PLXNA2: variants seen among roughly 807,000 people sequenced by gnomAD.
PLXNA2 encodes plexin A2, also known as plexin-A2.
A neutral mutation model predicts 193.5 loss-of-function variants in PLXNA2; 91 were observed. That is an observed-to-expected ratio of 0.47 (90% CI 0.40 to 0.56). PLXNA2 has a LOEUF of 0.56. Ranked by LOEUF, PLXNA2 falls within the 20% of genes least tolerant of loss-of-function variation. The pLI, the probability that PLXNA2 is intolerant of heterozygous loss-of-function variation, is 0.00. For synonymous variants in PLXNA2, 997 were observed against 1,027.3 expected, an observed-to-expected ratio of 0.97 and a Z score of 0.56; for missense variants, 1,995 against 2,503.2, an observed-to-expected ratio of 0.80 and a Z score of 4.33.
In PLXNA2 at chr1:208,098,798, T is replaced by A. The variant is rs755193312; in HGVS notation, c.1731+48A>T. 5 of 1,595,308 alleles carry A rather than the reference T, an allele frequency of 3.1e-6. No homozygotes were observed. In the East Asian group the frequency reaches 1.1e-4, roughly 36 times the overall value. Reference sequence around the variant, plus strand: ...CGTGAATGGAGCACACCCACACAGGTGCATGCACTGTATTCCCTCTCCCCA... The same window carrying A: ...CGTGAATGGAGCACACCCACACAGGAGCATGCACTGTATTCCCTCTCCCCA... On this transcript the variant is annotated intron_variant, in intron 6 of 31. Coordinates refer to ENST00000367033, the MANE Select transcript of PLXNA2 (RefSeq NM_025179.4).
rs771552400 is a variant in PLXNA2 at position 208,044,767 on chromosome 1, C to A, written c.3640-25G>T. The A allele has an allele frequency of 6.4e-7, 1 of 1,555,212 alleles. No homozygotes were observed. The highest frequency in any genetic ancestry group is 1.1e-5 in the South Asian group (1 of 88,338). ...CCTGTGCATTGTACACATACAGACG[C>A]ACATGGATGCACACAGGTGTAGAGC... On this transcript the variant is annotated intron_variant, in intron 19 of 31. Coordinates refer to ENST00000367033, the MANE Select transcript of PLXNA2 (RefSeq NM_025179.4). This position sits in a 1 kb window ranked among gnomAD's most constrained non-coding sequence, Gnocchi z 4.9.
In PLXNA2 at chr1:208,217,138, G is replaced by A. The variant is rs1321858272; in HGVS notation, c.785C>T (p.Thr262Ile). The change falls in exon 2 of 32, where the codon ACC becomes ATC. Residue 262 changes from threonine (T) to isoleucine (I), a missense_variant. Transcript: ENST00000367033. This position sits in a 1 kb window ranked among gnomAD's most constrained non-coding sequence, Gnocchi z 4.7. Reference protein sequence around the residue: ...FVYFLTVQPETPEGVAINSAG... With the variant: ...FVYFLTVQPEIPEGVAINSAG... ...GGAGTTGATGGCCACACCCTCAGGG[G>A]TCTCGGGCTGGACAGTGAGAAAGTA... 6.2e-7 allele frequency: 1 copy of A among 1,614,226 alleles called. No homozygotes were observed. Among genetic ancestry groups the A allele is most frequent in the Non-Finnish European group, 8.5e-7 (1 of 1,180,048 alleles).
At chr1:208,167,739 T>A (rs1427030592) in intron 3 of PLXNA2, among the ~76,000 whole-genome samples, 1 of 152,204 alleles carries the variant, frequency 6.6e-6, no homozygotes, top group Non-Finnish European at 1.5e-5. Flanking sequence ...ACGTGGTGCA[T>A]AATGACTATG....
intron 14 of PLXNA2, among the ~76,000 whole-genome samples, chr1:208,052,909 G>A (rs1665310780): frequency 6.6e-6 from 1 of 151,816 alleles, no homozygotes; most frequent in Non-Finnish European, 1.5e-5. Context: ...AATGGCCCAT[G>A]CACATGCCCT....
chr1:208,069,092 T>G (rs985821012), intron 12 of PLXNA2, among the ~76,000 whole-genome samples: 1 of 152,200 alleles, frequency 6.6e-6, no homozygotes, highest in Admixed American at 6.5e-5. Context: ...GTTTAAGTCC[T>G]GGCCATGCAC....
At chr1:208,204,518 C>T (rs1411999727) in intron 3 of PLXNA2, among the ~76,000 whole-genome samples, 6 of 152,222 alleles carry the variant, frequency 3.9e-5, no homozygotes, top group African/African-American at 7.2e-5. Flanking sequence ...CACTGCCACG[C>T]CAACCCTCCT....
chr1:208,199,633 G>A (rs1313457336), intron 3 of PLXNA2, among the ~76,000 whole-genome samples: 1 of 151,504 alleles, frequency 6.6e-6, no homozygotes, highest in Admixed American at 6.6e-5. Flanking sequence ...GGAGGTTGCA[G>A]TGAGCTGAGA....
At chr1:208,220,559 A>G (rs1433045825) in intron 1 of PLXNA2, among the ~76,000 whole-genome samples, 3 of 151,078 alleles carry the variant, frequency 2.0e-5, no homozygotes, top group Non-Finnish European at 4.4e-5. Context: ...CAGCCTCCAC[A>G]GTAGATGGGA....
At chr1:208,103,297 G>T in intron 4 of PLXNA2, 50 bp from the exon 5 acceptor site, 2 of 1,398,610 alleles carry the variant, frequency 1.4e-6, no homozygotes, top group South Asian at 1.2e-5. Flanking sequence ...GTGACGACTA[G>T]CAGGTGTGTG....
chr1:208,217,901 G>T lies in PLXNA2; in HGVS notation c.22C>A (p.Pro8Thr). ...CGGCTGTCCACCTCCAGGGCCCGGGGCCAGGGCCGCCTCTGTTCCATGCTG... is the reference window on the plus strand; with the variant it reads ...CGGCTGTCCACCTCCAGGGCCCGGGTCCAGGGCCGCCTCTGTTCCATGCTG... MEQRRPWPRALEVDSRSV... is the reference protein window; with the variant it reads MEQRRPWTRALEVDSRSV... The change falls in exon 2 of 32, where the codon CCC becomes ACC. Residue 8 changes from proline (P) to threonine (T), a missense_variant. Transcript: ENST00000367033. This position sits in a 1 kb window ranked among gnomAD's most constrained non-coding sequence, Gnocchi z 4.7. 6.2e-7 allele frequency: 1 copy of T among 1,610,758 alleles called. No homozygotes were observed.
chr1:208,136,248 T>TA (rs1281646356), intron 4 of PLXNA2, among the ~76,000 whole-genome samples: 1 of 152,240 alleles, frequency 6.6e-6, no homozygotes, highest in African/African-American at 2.4e-5. Flanking sequence ...ATTCCTGACT[T>TA]ACACAGTCTT....
intron 9 of PLXNA2, among the ~76,000 whole-genome samples, chr1:208,085,774 A>T (rs923780158): frequency 3.3e-5 from 5 of 152,120 alleles, no homozygotes; most frequent in Admixed American, 2.6e-4. Flanking sequence ...GTTCTTGCAC[A>T]TAATAGTCCA....
intron 4 of PLXNA2, among the ~76,000 whole-genome samples, chr1:208,121,580 C>A (rs1459208470): frequency 6.6e-6 from 1 of 152,140 alleles, no homozygotes; most frequent in Non-Finnish European, 1.5e-5. Context: ...CACTCATTCT[C>A]TCTCCTGCTG....
At chr1:208,199,503 C>T (rs4844655) in intron 3 of PLXNA2, among the ~76,000 whole-genome samples, 27,117 of 151,940 alleles carry the variant, frequency 0.18, 3,128 homozygotes, top group Admixed American at 0.31. Context: ...CCATCCTGGC[C>T]AACATGTTGA....
At chr1:208,153,919 T>C (rs1205619894) in intron 3 of PLXNA2, among the ~76,000 whole-genome samples, 1 of 150,188 alleles carries the variant, frequency 6.7e-6, no homozygotes, top group Non-Finnish European at 1.5e-5. Flanking sequence ...CCTTTTCCCA[T>C]CTCCCCTCCC....
At chr1:208,083,143 T>C (rs965264025) in intron 10 of PLXNA2, among the ~76,000 whole-genome samples, 2 of 152,308 alleles carry the variant, frequency 1.3e-5, no homozygotes, top group African/African-American at 4.8e-5. Context: ...AGCCTTACTT[T>C]AGCCAATGGT....
At chr1:208,092,958 T>C (rs1666764324) in intron 8 of PLXNA2, 58 bp from the exon 9 acceptor site, 1 of 1,195,886 alleles carries the variant, frequency 8.4e-7, no homozygotes, top group Non-Finnish European at 1.2e-6. Context: ...GAAGGTGGCA[T>C]GTGTCATGAT....
chr1:208,061,214 T>C (rs531834494), intron 12 of PLXNA2, among the ~76,000 whole-genome samples: 276 of 152,182 alleles, frequency 1.8e-3, no homozygotes, highest in Non-Finnish European at 2.5e-3. Flanking sequence ...GTGAAGGGGG[T>C]ATAATCATTT....
At chr1:208,164,154 AT>A (rs1669221126) in intron 3 of PLXNA2, among the ~76,000 whole-genome samples, 1 of 152,216 alleles carries the variant, frequency 6.6e-6, no homozygotes, top group Admixed American at 6.5e-5. Context: ...ATTAGAGAGC[AT>A]TTGGTTAGGG....
Sources: gnomAD v4.1 joint callset for allele counts (sites outside exome capture counted in the v4.1 genomes callset) on GRCh38, gnomAD v4.1.1 for gene constraint, Gnocchi (gnomAD v3.1) non-coding constraint, MANE v1.5 for transcripts, NCBI Gene and HGNC (gene_info 2026-07-23, HGNC 2026-07-21) for gene names.